The following RABGAP1L variants were observed in gnomAD, a reference collection of about 807,000 sequenced individuals.
RABGAP1L encodes RAB GTPase activating protein 1 like.
Under a neutral mutation model 137.7 loss-of-function variants are expected in RABGAP1L, and 63 were observed. That is an observed-to-expected ratio of 0.46 (90% CI 0.37 to 0.56). The LOEUF (loss-of-function observed/expected upper bound fraction) is 0.56. RABGAP1L is among the 20% of genes least tolerant of loss of function. The probability of loss-of-function intolerance (pLI) is 0.00; values close to 1 mark genes in which losing one functional copy is unlikely to be tolerated. For missense variants in RABGAP1L, 1,095 were observed against 1,244.0 expected (o/e 0.88, Z 1.80); for synonymous variants, 431 against 433.7 (o/e 0.99, Z 0.08).
At chr1:174,346,059 T>G (rs1682399925) in intron 11 of RABGAP1L, among the ~76,000 whole-genome samples, 1 of 152,186 alleles carries the variant, frequency 6.6e-6, no homozygotes, top group Admixed American at 6.5e-5. Context: ...TTGATTTGTG[T>G]ATGTTGAATC....
chr1:174,620,376 A>C (rs1672333172), intron 13 of RABGAP1L, among the ~76,000 whole-genome samples: 1 of 152,192 alleles, frequency 6.6e-6, no homozygotes, highest in Admixed American at 6.5e-5. Flanking sequence ...TTGACCACAT[A>C]GTTGGAAGTA....
Position 174,247,446 on chromosome 1 carries a change from G to A in RABGAP1L, c.718-3029G>A, listed in dbSNP as rs538115381. ...GAAATTATTTTAGGCATATAGAGAT[G>A]AAAAGGGATCCTTGGGAAATTTTCA... On this transcript the variant is annotated intron_variant, in intron 5 of 25. Coordinates refer to ENST00000681986, the MANE Select transcript of RABGAP1L (RefSeq NM_001366446.1). Among the ~76,000 whole-genome samples the A allele has an allele frequency of 2.6e-5, 4 of 152,284 alleles. No homozygotes were observed. The East Asian group carries it at 7.7e-4, about 29-fold the overall frequency.
chr1:174,610,726 G>C (rs1299706258), intron 13 of RABGAP1L, among the ~76,000 whole-genome samples: 1 of 152,162 alleles, frequency 6.6e-6, no homozygotes, highest in Non-Finnish European at 1.5e-5. Context: ...GTTCTTTCCT[G>C]ACTTTTTAAT....
intron 12 of RABGAP1L, among the ~76,000 whole-genome samples, chr1:174,380,639 CT>C (rs1193186213): frequency 4.6e-5 from 7 of 151,812 alleles, no homozygotes; most frequent in African/African-American, 1.7e-4. Flanking sequence ...ATGATATCCC[CT>C]TTATCATTTT....
At chr1:174,194,979 C>T (rs1325214636) in intron 1 of RABGAP1L, among the ~76,000 whole-genome samples, 2 of 152,094 alleles carry the variant, frequency 1.3e-5, no homozygotes, top group Non-Finnish European at 1.5e-5. Context: ...AAACTAATTT[C>T]CCCCTCCTTG....
At chr1:174,612,540 G>A (rs1272073926) in intron 13 of RABGAP1L, among the ~76,000 whole-genome samples, 10 of 152,122 alleles carry the variant, frequency 6.6e-5, no homozygotes, top group African/African-American at 1.9e-4. Flanking sequence ...GTCTCTGCCC[G>A]GCTTTGGTAT....
chr1:174,850,124 C>A, intron 19 of RABGAP1L: 2 of 485,838 alleles, frequency 4.1e-6, no homozygotes, highest in East Asian at 5.7e-5. Context: ...CCTCTCAGTT[C>A]TCTAGGTTGA....
intron 18 of RABGAP1L, among the ~76,000 whole-genome samples, chr1:174,785,216 C>T (rs1488679506): frequency 2.6e-5 from 4 of 152,194 alleles, no homozygotes; most frequent in East Asian, 1.9e-4. Flanking sequence ...AGGCATGCGC[C>T]GCCAATCACA....
intron 13 of RABGAP1L, among the ~76,000 whole-genome samples, chr1:174,562,455 C>T (rs1201876377): frequency 6.6e-6 from 1 of 152,168 alleles, no homozygotes; most frequent in Admixed American, 6.5e-5. Flanking sequence ...GGTGATTCCT[C>T]AAGGATCTAG....
rs1430389230 is a variant in RABGAP1L at position 174,403,776 on chromosome 1, T to G, written c.1710+9631T>G. On this transcript the variant is annotated intron_variant, in intron 13 of 25. Transcript: ENST00000681986. ...TAGCTGATTATACTGAAATACGAAG[T>G]GTCAGATTTGTATTTTTCTGGTTTG... is the stretch of plus-strand genomic sequence containing the variant. Among the ~76,000 whole-genome samples, 4 of 151,460 alleles carry G rather than the reference T, an allele frequency of 2.6e-5. No individual in the cohort carries two copies. In the East Asian group the frequency reaches 5.8e-4, roughly 22 times the overall value.
At chr1:174,162,865 A>G (rs916449776) in intron 1 of RABGAP1L, among the ~76,000 whole-genome samples, 4 of 116,098 alleles carry the variant, frequency 3.4e-5, no homozygotes, top group African/African-American at 1.4e-4. Flanking sequence ...ATATGTATAC[A>G]TGTGCCATGC....
chr1:174,183,050 T>C (rs1666505137), intron 1 of RABGAP1L, among the ~76,000 whole-genome samples: 1 of 152,220 alleles, frequency 6.6e-6, no homozygotes, highest in Non-Finnish European at 1.5e-5. Flanking sequence ...CACTGAGTTA[T>C]AATAGTTCCC....
intron 19 of RABGAP1L, among the ~76,000 whole-genome samples, chr1:174,898,874 G>A (rs915092502): frequency 6.6e-6 from 1 of 152,182 alleles, no homozygotes; most frequent in African/African-American, 2.4e-5. Flanking sequence ...TGCCATTCCT[G>A]CCTTCAGAGT....
At chr1:174,669,384 A>G (rs934454203) in intron 14 of RABGAP1L, among the ~76,000 whole-genome samples, 7 of 152,122 alleles carry the variant, frequency 4.6e-5, no homozygotes, top group African/African-American at 1.7e-4. Context: ...GACACAGCCA[A>G]ATCATATTAG....
chr1:174,202,559 T>A (rs2148398339), intron 1 of RABGAP1L, among the ~76,000 whole-genome samples: 1 of 152,284 alleles, frequency 6.6e-6, no homozygotes, highest in Non-Finnish European at 1.5e-5. Flanking sequence ...TAGCCCTTTG[T>A]CAGATGAGTA....
intron 13 of RABGAP1L, among the ~76,000 whole-genome samples, chr1:174,446,716 G>T (rs1356012573): frequency 6.6e-6 from 1 of 152,102 alleles, no homozygotes; most frequent in Non-Finnish European, 1.5e-5. Flanking sequence ...TCAAAATAGA[G>T]TACAGAAAAA....
intron 6 of RABGAP1L, among the ~76,000 whole-genome samples, chr1:174,251,064 G>A (rs1293881991): frequency 6.6e-6 from 1 of 152,256 alleles, no homozygotes; most frequent in Non-Finnish European, 1.5e-5. Context: ...GCCTCCCAAA[G>A]TGCTGGGATT....
chr1:174,932,670 C>T (rs1379969443), intron 19 of RABGAP1L, among the ~76,000 whole-genome samples: 1 of 152,078 alleles, frequency 6.6e-6, no homozygotes. Flanking sequence ...ATATAAATAT[C>T]CAATTCCTAA....
At chr1:174,684,209 G>A (rs967721687) in intron 15 of RABGAP1L, among the ~76,000 whole-genome samples, 8 of 152,274 alleles carry the variant, frequency 5.3e-5, no homozygotes, top group Middle Eastern at 6.8e-3. Context: ...TATGCTAAGT[G>A]AAAGTGATAC....
Sources: gnomAD v4.1 joint callset for allele counts (sites outside exome capture counted in the v4.1 genomes callset) on GRCh38, gnomAD v4.1.1 for gene constraint, MANE v1.5 for transcripts, NCBI Gene and HGNC (gene_info 2026-07-23, HGNC 2026-07-21) for gene names.